Variants in CNTN1 observed in about 807,000 individuals in gnomAD.
CNTN1 encodes contactin 1, also known as contactin-1.
A neutral mutation model predicts 126.4 loss-of-function variants in CNTN1; 38 were observed. The ratio of observed to expected loss-of-function variants is 0.30; its 90% CI spans 0.23 to 0.39. CNTN1 has a LOEUF of 0.39. CNTN1 is among the 10% of genes least tolerant of loss of function. CNTN1 has a pLI of 1.00. For missense variants in CNTN1, 1,009 were observed against 1,248.4 expected, an observed-to-expected ratio of 0.81 and a Z score of 2.89; for synonymous variants, 413 against 422.6, an observed-to-expected ratio of 0.98 and a Z score of 0.28.
At chr12:41,057,153 T>A (rs1949841591) in intron 23 of CNTN1, among the ~76,000 whole-genome samples, 1 of 144,360 alleles carries the variant, frequency 6.9e-6, no homozygotes, top group South Asian at 2.1e-4. Flanking sequence ...TTTAGATATT[T>A]ATAAATATTA....
At chr12:41,013,324 C>T (rs185959030) in intron 17 of CNTN1, among the ~76,000 whole-genome samples, 1 of 152,146 alleles carries the variant, frequency 6.6e-6, no homozygotes, top group East Asian at 1.9e-4. Context: ...CCGGCATTCA[C>T]CCGTTCAAGC....
At chr12:40,827,185 T>A (rs1225263382) in intron 1 of CNTN1, among the ~76,000 whole-genome samples, 1 of 151,464 alleles carries the variant, frequency 6.6e-6, no homozygotes, top group Non-Finnish European at 1.5e-5. Flanking sequence ...CCTGTTTTTT[T>A]TTTTCAGGCA....
At chr12:40,836,322 AT>A (rs1418919319) in intron 1 of CNTN1, among the ~76,000 whole-genome samples, 7 of 150,018 alleles carry the variant, frequency 4.7e-5, no homozygotes, top group Non-Finnish European at 8.9e-5. Flanking sequence ...ATCAGATACT[AT>A]GGTACACTTT....
chr12:40,798,427 C>A (rs1177720905), intron 1 of CNTN1, among the ~76,000 whole-genome samples: 1 of 151,980 alleles, frequency 6.6e-6, no homozygotes, highest in East Asian at 1.9e-4. Context: ...TGCACAAATT[C>A]ATTGCCTATA....
At chr12:41,051,433 G>A (rs533280223) in intron 23 of CNTN1, among the ~76,000 whole-genome samples, 1 of 151,842 alleles carries the variant, frequency 6.6e-6, no homozygotes, top group African/African-American at 2.4e-5. Context: ...TTACAGGTGT[G>A]AGCCACCGCA....
At chr12:40,705,818 T>C (rs1470839951) in intron 1 of CNTN1, among the ~76,000 whole-genome samples, 1 of 152,148 alleles carries the variant, frequency 6.6e-6, no homozygotes, top group Non-Finnish European at 1.5e-5. Flanking sequence ...TAGCTTCTAA[T>C]CATGGTGGAA....
intron 1 of CNTN1, among the ~76,000 whole-genome samples, chr12:40,695,288 C>T (rs1006875313): frequency 6.6e-6 from 1 of 152,102 alleles, no homozygotes. Flanking sequence ...GAAGGCTATG[C>T]CTTGGGAGGA....
At chr12:40,951,380 A>AT (rs1053037811) in intron 14 of CNTN1, among the ~76,000 whole-genome samples, 1 of 152,072 alleles carries the variant, frequency 6.6e-6, no homozygotes, top group African/African-American at 2.4e-5. Flanking sequence ...TGCCTTATTT[A>AT]TTTTTTTGTA....
chr12:40,791,946 A>C (rs1012975655), intron 1 of CNTN1, among the ~76,000 whole-genome samples: 9 of 152,082 alleles, frequency 5.9e-5, no homozygotes, highest in Admixed American at 5.9e-4. Flanking sequence ...CTATGTGCTC[A>C]GCACTGTTTA....
chr12:40,924,680 G>A lies in CNTN1; in HGVS notation c.496+28G>A, dbSNP rs969909359. ...AAACTTAATTCCTCTCTGACTATTA[G>A]CATCTATGAAACAAAATGGACAAGT... On this transcript the variant is annotated intron_variant, in intron 6 of 23. Coordinates refer to ENST00000551295, the MANE Select transcript of CNTN1 (RefSeq NM_001843.4). The A allele has an allele frequency of 1.1e-5, 14 of 1,226,428 alleles. 1 individual carries two copies. The highest frequency in any genetic ancestry group is 3.8e-4 in the Middle Eastern group (2 of 5,312). The allele number at this position is 1,226,428 out of a possible 1,614,324, so 76.0% of individuals were successfully genotyped here.
intron 1 of CNTN1, among the ~76,000 whole-genome samples, chr12:40,741,177 A>C (rs1037909424): frequency 6.6e-6 from 1 of 152,144 alleles, no homozygotes; most frequent in Non-Finnish European, 1.5e-5. Flanking sequence ...TGATATTTAA[A>C]ATAGACAAAA....
chr12:40,772,225 T>C (rs1206895849), intron 1 of CNTN1, among the ~76,000 whole-genome samples: 3 of 152,048 alleles, frequency 2.0e-5, no homozygotes, highest in African/African-American at 7.2e-5. Context: ...TGCCTTCAAG[T>C]ATTTGTGCTT....
chr12:40,746,575 G>T (rs1938194116), intron 1 of CNTN1, among the ~76,000 whole-genome samples: 1 of 152,152 alleles, frequency 6.6e-6, no homozygotes, highest in East Asian at 1.9e-4. Context: ...AAAGTGTGGG[G>T]TTTGATCTTT....
intron 17 of CNTN1, 116 bp downstream of exon 17, chr12:40,993,385 G>T (rs1948138396): frequency 2.4e-6 from 2 of 847,734 alleles, no homozygotes; most frequent in Non-Finnish European, 1.9e-6. Context: ...CATCTGAAAA[G>T]CATGTGTGTG....
intron 23 of CNTN1, among the ~76,000 whole-genome samples, chr12:41,035,265 A>G (rs754943384): frequency 1.3e-5 from 2 of 152,210 alleles, no homozygotes; most frequent in Non-Finnish European, 2.9e-5. Context: ...TCCAAGATGT[A>G]CTTTCTACCA....
In CNTN1 at chr12:40,933,743, A is replaced by G; in HGVS notation, c.850A>G (p.Ser284Gly). The G allele has an allele frequency of 6.2e-7, 1 of 1,612,924 alleles. No homozygotes were observed. The highest frequency in any genetic ancestry group is 1.1e-5 in the South Asian group (1 of 91,072). ...GCGGAAGGTTCTAGAACCAATGCCA[A>G]GCACTGCTGAGATTAGCACCTCTGG... ...RWRKVLEPMP[S>G]TAEISTSGAV... Residue 284 changes from serine to glycine, a missense_variant, in exon 9 of 24, where the codon AGC becomes GGC. Coordinates refer to ENST00000551295, the MANE Select transcript of CNTN1 (RefSeq NM_001843.4).
chr12:40,771,155 C>A (rs1939322563), intron 1 of CNTN1, among the ~76,000 whole-genome samples: 1 of 152,022 alleles, frequency 6.6e-6, no homozygotes, highest in African/African-American at 2.4e-5. Context: ...AATAAGAAAT[C>A]ACATTAGACA....
At chr12:40,993,374 T>A in intron 17 of CNTN1, 105 bp downstream of exon 17, 3 of 952,732 alleles carry the variant, frequency 3.1e-6, no homozygotes, top group Non-Finnish European at 4.9e-6. Flanking sequence ...GGTAAGTGAT[T>A]CATCTGAAAA....
At chr12:40,806,727 C>T (rs1584096) in intron 1 of CNTN1, among the ~76,000 whole-genome samples, 1 of 151,432 alleles carries the variant, frequency 6.6e-6, no homozygotes, top group Non-Finnish European at 1.5e-5. Flanking sequence ...AATTTTAGCT[C>T]ATTAAGTCTC....
Sources: allele counts gnomAD v4.1 joint callset (sites outside exome capture counted in the v4.1 genomes callset), GRCh38; gene constraint gnomAD v4.1.1; transcripts MANE v1.5; gene names NCBI Gene and HGNC (gene_info 2026-07-23, HGNC 2026-07-21).